Variants in IFT43 observed in about 807,000 individuals in gnomAD.
IFT43 encodes the protein intraflagellar transport protein 43 homolog.
In IFT43, 33 loss-of-function variants were observed where a neutral mutation model predicts 32.3. The ratio of observed to expected loss-of-function variants is 1.02; its 90% CI spans 0.77 to 1.37. IFT43 has a LOEUF of 1.37. Ranked by LOEUF, IFT43 falls within the 40% of genes most tolerant of loss-of-function variation. The probability of loss-of-function intolerance (pLI) is 0.00; values close to 1 mark genes in which losing one functional copy is unlikely to be tolerated. For synonymous variants in IFT43, 93 were observed against 98.2 expected (o/e 0.95, Z 0.31); for missense variants, 274 against 265.9 (o/e 1.03, Z -0.21).
intron 2 of IFT43, chr14:76,014,164 C>G (rs920134858): frequency 7.7e-6 from 2 of 258,784 alleles, no homozygotes; most frequent in African/African-American, 4.6e-5. Flanking sequence ...GCAGTTGATT[C>G]CAGCAAGTAT....
At chr14:76,056,539 A>G (rs1275197461) in intron 3 of IFT43, among the ~76,000 whole-genome samples, 1 of 152,240 alleles carries the variant, frequency 6.6e-6, no homozygotes, top group East Asian at 1.9e-4. Flanking sequence ...GCCACCGCAC[A>G]TTGTGTAGGG....
chr14:76,017,492 G>T (rs2036211092), intron 2 of IFT43, among the ~76,000 whole-genome samples: 1 of 152,200 alleles, frequency 6.6e-6, no homozygotes, highest in Admixed American at 6.5e-5. Flanking sequence ...GTTCATCAGG[G>T]ATGTTGGCCT....
chr14:76,081,694 C>T (rs2037512975), intron 5 of IFT43, among the ~76,000 whole-genome samples: 1 of 152,164 alleles, frequency 6.6e-6, no homozygotes, highest in Non-Finnish European at 1.5e-5. Context: ...GAATCAGCAT[C>T]CCTGATTACA....
chr14:76,033,167 T>C (rs985145745), intron 3 of IFT43, among the ~76,000 whole-genome samples: 2 of 152,184 alleles, frequency 1.3e-5, no homozygotes, highest in African/African-American at 4.8e-5. Context: ...CCCAGCCAGA[T>C]TGCAGTAGAC....
intron 3 of IFT43, among the ~76,000 whole-genome samples, chr14:76,048,572 T>G (rs1594844658): frequency 6.6e-6 from 1 of 152,356 alleles, no homozygotes. Context: ...GCAATTTTAA[T>G]ATAGATGAAA....
At chr14:75,993,267 G>C (rs113224083) in intron 2 of IFT43, among the ~76,000 whole-genome samples, 1 of 152,236 alleles carries the variant, frequency 6.6e-6, no homozygotes, top group South Asian at 2.1e-4. Flanking sequence ...AATTTGGTTC[G>C]CATTTATAAA....
intron 2 of IFT43, among the ~76,000 whole-genome samples, chr14:76,011,145 A>G (rs1216286078): frequency 6.6e-6 from 1 of 152,052 alleles, no homozygotes; most frequent in African/African-American, 2.4e-5. Flanking sequence ...TCTGGCCTCA[A>G]GTGATCCTTC....
intron 2 of IFT43, chr14:76,014,217 T>C (rs1386157033): frequency 2.0e-5 from 4 of 195,894 alleles, no homozygotes; most frequent in Non-Finnish European, 4.6e-5. Context: ...CTGTGGAAAA[T>C]TGACATGTGC....
intron 3 of IFT43, among the ~76,000 whole-genome samples, chr14:76,026,620 TA>T (rs1160536862): frequency 6.6e-6 from 1 of 151,800 alleles, no homozygotes; most frequent in Admixed American, 6.6e-5. Flanking sequence ...AAGGAACGAT[TA>T]TACAGTGTTA....
intron 1 of IFT43, among the ~76,000 whole-genome samples, chr14:75,987,608 G>A (rs2035553581): frequency 6.6e-6 from 1 of 152,116 alleles, no homozygotes; most frequent in South Asian, 2.1e-4. Flanking sequence ...ATTATTGTGA[G>A]AATCAAAGGA....
At chr14:75,993,282 G>A (rs780607590) in intron 2 of IFT43, among the ~76,000 whole-genome samples, 1 of 152,174 alleles carries the variant, frequency 6.6e-6, no homozygotes, top group Admixed American at 6.5e-5. Flanking sequence ...TATAAATCAG[G>A]AAATGTAATA....
chr14:75,997,527 A>T (rs1364429872), intron 2 of IFT43, among the ~76,000 whole-genome samples: 1 of 152,214 alleles, frequency 6.6e-6, no homozygotes, highest in East Asian at 1.9e-4. Flanking sequence ...ATGCTCAAGG[A>T]TTTCAGATTC....
At chr14:76,082,102 G>C (rs746300795) in intron 5 of IFT43, among the ~76,000 whole-genome samples, 193 bp from the exon 6 acceptor site, 2 of 152,244 alleles carry the variant, frequency 1.3e-5, no homozygotes, top group Non-Finnish European at 2.9e-5. Flanking sequence ...GCAGGTTCTG[G>C]AATGAGGCCT....
At chr14:76,031,738 T>C (rs1422240809) in intron 3 of IFT43, among the ~76,000 whole-genome samples, 1 of 152,214 alleles carries the variant, frequency 6.6e-6, no homozygotes, top group Non-Finnish European at 1.5e-5. Context: ...GAAAGAAGCT[T>C]TTCCTTGTCA....
intron 5 of IFT43, among the ~76,000 whole-genome samples, chr14:76,062,938 A>AAAAAAG (rs1485146040): frequency 3.3e-5 from 4 of 120,884 alleles, no homozygotes; most frequent in Middle Eastern, 4.6e-3. Flanking sequence ...AAAAAAAAAA[A>AAAAAAG]AAAGAAAATA....
At chr14:76,079,293 G>A (rs1456172487) in intron 5 of IFT43, among the ~76,000 whole-genome samples, 1 of 152,198 alleles carries the variant, frequency 6.6e-6, no homozygotes, top group Admixed American at 6.5e-5. Flanking sequence ...AAATGAAGGT[G>A]GAGCCATGTA....
intron 5 of IFT43, among the ~76,000 whole-genome samples, chr14:76,061,801 G>C (rs1454526017): frequency 6.6e-6 from 1 of 151,930 alleles, no homozygotes; most frequent in Non-Finnish European, 1.5e-5. Context: ...ATTTTTTTCA[G>C]ATTATGGCAT....
intron 2 of IFT43, among the ~76,000 whole-genome samples, chr14:76,019,748 C>G (rs1411001104): frequency 2.0e-5 from 3 of 151,996 alleles, no homozygotes; most frequent in Non-Finnish European, 4.4e-5. Context: ...AGTAGGCTTC[C>G]TTTATTCTTT....
At chr14:75,987,772 G>T (rs1044314745) in intron 1 of IFT43, among the ~76,000 whole-genome samples, 7 of 152,204 alleles carry the variant, frequency 4.6e-5, no homozygotes, top group African/African-American at 1.7e-4. Flanking sequence ...CTCCACCGGA[G>T]GGCCTTGGGA....
Sources: allele counts gnomAD v4.1 joint callset (sites outside exome capture counted in the v4.1 genomes callset), GRCh38; gene constraint gnomAD v4.1.1; transcripts MANE v1.5; gene names NCBI Gene and HGNC (gene_info 2026-07-23, HGNC 2026-07-21).